OXR1: variants seen among roughly 807,000 people sequenced by gnomAD.
OXR1 encodes the protein oxidation resistance 1, also known as oxidation resistance protein 1.
Under a neutral mutation model 104.6 loss-of-function variants are expected in OXR1, and 41 were observed. The observed-to-expected ratio is 0.39, with a 90% confidence interval of 0.31 to 0.51. The LOEUF (loss-of-function observed/expected upper bound fraction) is 0.51, where lower values mean the gene tolerates loss of function less well. Among genes scored for constraint, OXR1 ranks in the 20% least tolerant of loss-of-function variants. The pLI, the probability that OXR1 is intolerant of heterozygous loss-of-function variation, is 0.77. For synonymous variants in OXR1, 348 were observed against 348.4 expected (o/e 1.00, Z 0.01); for missense variants, 955 against 1,031.9 (o/e 0.93, Z 1.02).
At position 106,334,468 on chromosome 8, in the gene OXR1, A is replaced by G. The variant is rs575608689; in HGVS notation, c.-138-25008A>G. Among the ~76,000 whole-genome samples the G allele has an allele frequency of 7.2e-5, 11 of 152,328 alleles. No individual in the cohort carries two copies. The South Asian group carries it at 2.3e-3, about 32-fold the overall frequency. Reference sequence around the variant, plus strand: ...TTCCTCTGACTAGAGCCTCCAGAATAGAAGTGGTTAAAATGGCCATCCTTT... The same window carrying G: ...TTCCTCTGACTAGAGCCTCCAGAATGGAAGTGGTTAAAATGGCCATCCTTT... On this transcript the variant is annotated intron_variant, in intron 1 of 16. Coordinates refer to ENST00000517566, the MANE Select transcript of OXR1 (RefSeq NM_001198533.2).
At chr8:106,483,221 TGTCA>T (rs1822247273) in intron 2 of OXR1, among the ~76,000 whole-genome samples, 1 of 152,016 alleles carries the variant, frequency 6.6e-6, no homozygotes, top group Non-Finnish European at 1.5e-5. Flanking sequence ...CAAAAGAAAG[TGTCA>T]GTCAGTAGAG....
At chr8:106,401,730 G>A (rs1818009989) in intron 2 of OXR1, among the ~76,000 whole-genome samples, 2 of 152,144 alleles carry the variant, frequency 1.3e-5, no homozygotes, top group African/African-American at 4.8e-5. Context: ...TGGACCCCTA[G>A]AAATTTCACC....
At chr8:106,643,434 ATTT>A (rs11291020) in intron 3 of OXR1, among the ~76,000 whole-genome samples, 3 of 149,508 alleles carry the variant, frequency 2.0e-5, no homozygotes, top group African/African-American at 7.4e-5. Context: ...AATCAATAGA[ATTT>A]TTTTTTTTTT....
chr8:106,354,363 T>A (rs760283163), intron 1 of OXR1, among the ~76,000 whole-genome samples: 1 of 152,218 alleles, frequency 6.6e-6, no homozygotes, highest in Non-Finnish European at 1.5e-5. Flanking sequence ...AAGTCTTCTC[T>A]TCATACCTCA....
chr8:106,718,594 CT>C (rs1329738112), intron 11 of OXR1, among the ~76,000 whole-genome samples: 1 of 151,910 alleles, frequency 6.6e-6, no homozygotes, highest in Non-Finnish European at 1.5e-5. Context: ...AATCCCAGCA[CT>C]TTGGGAGGCC....
chr8:106,636,505 A>G (rs1823151771), intron 3 of OXR1, among the ~76,000 whole-genome samples: 1 of 152,178 alleles, frequency 6.6e-6, no homozygotes, highest in Admixed American at 6.5e-5. Flanking sequence ...ATCCCCAGAG[A>G]TAGACACTAT....
At chr8:106,529,952 A>G (rs1028970392) in intron 3 of OXR1, among the ~76,000 whole-genome samples, 3 of 152,220 alleles carry the variant, frequency 2.0e-5, no homozygotes, top group African/African-American at 7.2e-5. Context: ...TTCCTAAATC[A>G]CTATTAAAAT....
At chr8:106,502,317 A>G (rs2053976) in intron 2 of OXR1, among the ~76,000 whole-genome samples, 5,778 of 152,280 alleles carry the variant, frequency 0.038, 397 homozygotes, top group African/African-American at 0.13. Context: ...CCAGTCCAGA[A>G]TTCAGGGCTC....
intron 2 of OXR1, among the ~76,000 whole-genome samples, chr8:106,484,773 A>G (rs1356492396): frequency 6.6e-6 from 1 of 151,966 alleles, no homozygotes; most frequent in Admixed American, 6.6e-5. Flanking sequence ...TTTTTTAAAA[A>G]CAAAAACAAA....
chr8:106,703,180 T>C, intron 8 of OXR1, 90 bp downstream of exon 8: 1 of 755,106 alleles, frequency 1.3e-6, no homozygotes. Context: ...ACTAGTTTTC[T>C]TATAGCTGCC....
intron 1 of OXR1, among the ~76,000 whole-genome samples, chr8:106,296,566 T>C (rs1751139887): frequency 6.6e-6 from 1 of 152,194 alleles, no homozygotes; most frequent in African/African-American, 2.4e-5. Flanking sequence ...GCACCACCTA[T>C]AAAACCAGCC....
chr8:106,338,800 T>C (rs1265954026), intron 1 of OXR1, among the ~76,000 whole-genome samples: 3 of 152,132 alleles, frequency 2.0e-5, no homozygotes, highest in Non-Finnish European at 4.4e-5. Context: ...CTTGTAATTC[T>C]CTAAAACATA....
intron 3 of OXR1, among the ~76,000 whole-genome samples, chr8:106,531,556 A>G (rs958211714): frequency 4.6e-5 from 7 of 152,310 alleles, no homozygotes; most frequent in Admixed American, 1.3e-4. Context: ...CTTTGATAAC[A>G]TATTGTAGAT....
intron 3 of OXR1, among the ~76,000 whole-genome samples, chr8:106,579,978 A>G (rs138239267): frequency 6.6e-6 from 1 of 152,246 alleles, no homozygotes; most frequent in Admixed American, 6.5e-5. Flanking sequence ...ATCACTATTC[A>G]TGATTTAGAT....
At chr8:106,410,723 C>T (rs965868788) in intron 2 of OXR1, among the ~76,000 whole-genome samples, 1 of 152,012 alleles carries the variant, frequency 6.6e-6, no homozygotes, top group Non-Finnish European at 1.5e-5. Flanking sequence ...GGTTGACTTA[C>T]TGGTATAAGA....
At chr8:106,392,975 T>C (rs536878313) in intron 2 of OXR1, among the ~76,000 whole-genome samples, 15 of 152,292 alleles carry the variant, frequency 9.8e-5, no homozygotes, top group African/African-American at 2.6e-4. Flanking sequence ...TTTAGAACCA[T>C]ATTGCTCCCC....
At chr8:106,459,510 C>G (rs761106021) in intron 2 of OXR1, among the ~76,000 whole-genome samples, 10 of 151,908 alleles carry the variant, frequency 6.6e-5, no homozygotes, top group Non-Finnish European at 1.5e-4. Flanking sequence ...AGCGCATTAC[C>G]TATACATAAA....
chr8:106,310,796 G>C (rs1384975308), intron 1 of OXR1, among the ~76,000 whole-genome samples: 2 of 152,126 alleles, frequency 1.3e-5, no homozygotes, highest in Non-Finnish European at 2.9e-5. Context: ...ACATTTTGTT[G>C]TTGGTCTGCT....
intron 3 of OXR1, among the ~76,000 whole-genome samples, chr8:106,569,156 A>G (rs1177511162): frequency 6.6e-6 from 1 of 152,108 alleles, no homozygotes; most frequent in Non-Finnish European, 1.5e-5. Flanking sequence ...TCAAAACTTA[A>G]TTTATTTCCT....
Sources: gnomAD v4.1 joint callset for allele counts (sites outside exome capture counted in the v4.1 genomes callset) on GRCh38, gnomAD v4.1.1 for gene constraint, MANE v1.5 for transcripts, NCBI Gene and HGNC (gene_info 2026-07-23, HGNC 2026-07-21) for gene names.